The following TACR3 variants were observed in gnomAD, a reference collection of about 807,000 sequenced individuals.
TACR3 encodes the protein tachykinin receptor 3.
In TACR3, 34 loss-of-function variants were observed where a neutral mutation model predicts 35.0. The observed-to-expected ratio is 0.97, with a 90% confidence interval of 0.74 to 1.30. The LOEUF is 1.30. Ranked by LOEUF, TACR3 falls within the 50% of genes most tolerant of loss-of-function variation. TACR3 has a pLI of 0.00. For synonymous variants in TACR3, 233 were observed against 221.1 expected (o/e 1.05, Z -0.48); for missense variants, 558 against 591.7 (o/e 0.94, Z 0.59).
chr4:103,697,394 A>ATTTGTTTG (rs1468628685), intron 1 of TACR3, among the ~76,000 whole-genome samples: 1 of 139,594 alleles, frequency 7.2e-6, no homozygotes, highest in Admixed American at 7.2e-5. Flanking sequence ...TTATTTATTT[A>ATTTGTTTG]TTTATTTGTT....
chr4:103,694,141 T>C (rs1250558478), intron 1 of TACR3, among the ~76,000 whole-genome samples: 3 of 152,138 alleles, frequency 2.0e-5, no homozygotes, highest in Admixed American at 1.3e-4. Context: ...TTTCCCTCCT[T>C]AGTCTTAAAA....
At chr4:103,717,480 A>G (rs1236984613) in intron 1 of TACR3, among the ~76,000 whole-genome samples, 1 of 152,152 alleles carries the variant, frequency 6.6e-6, no homozygotes. Flanking sequence ...CTCCAAGACA[A>G]TCCCATAAAT....
rs374281894 is a variant in TACR3 at position 103,630,448 on chromosome 4, C to T, written c.888+25746G>A. Among the ~76,000 whole-genome samples the T allele has an allele frequency of 7.2e-5, 11 of 152,192 alleles. 1 individual carries two copies. The South Asian group carries it at 1.5e-3, about 20-fold the overall frequency. On this transcript the variant is annotated intron_variant, in intron 3 of 4. Coordinates refer to ENST00000304883, the MANE Select transcript of TACR3 (RefSeq NM_001059.3). ...CTTTGCAATCTACCTATCTAACAAA[C>T]GGCTAATATCCAGAATCTACAAAGA... is the stretch of plus-strand genomic sequence containing the variant.
intron 1 of TACR3, among the ~76,000 whole-genome samples, chr4:103,663,705 C>G (rs1178775541): frequency 6.6e-6 from 1 of 152,092 alleles, no homozygotes; most frequent in African/African-American, 2.4e-5. Flanking sequence ...GGGAGAATTG[C>G]CAGGCTCTGA....
At chr4:103,605,882 G>C (rs959922705) in intron 3 of TACR3, among the ~76,000 whole-genome samples, 1 of 152,032 alleles carries the variant, frequency 6.6e-6, no homozygotes, top group Non-Finnish European at 1.5e-5. Context: ...TGGTGTTTTA[G>C]ACATGAAGTC....
chr4:103,595,455 G>A (rs1723984165), intron 3 of TACR3, among the ~76,000 whole-genome samples: 1 of 152,146 alleles, frequency 6.6e-6, no homozygotes, highest in African/African-American at 2.4e-5. Flanking sequence ...AACTACGTAG[G>A]CAGGATGGAA....
At chr4:103,629,688 T>C (rs1020472117) in intron 3 of TACR3, among the ~76,000 whole-genome samples, 1 of 151,808 alleles carries the variant, frequency 6.6e-6, no homozygotes, top group Non-Finnish European at 1.5e-5. Flanking sequence ...GTAGGAAGAA[T>C]TAATATCGTG....
intron 1 of TACR3, among the ~76,000 whole-genome samples, chr4:103,682,305 C>T (rs903735304): frequency 1.3e-5 from 2 of 152,012 alleles, no homozygotes; most frequent in African/African-American, 4.8e-5. Flanking sequence ...AAAGATACTA[C>T]CCAAGAGTGG....
chr4:103,713,877 G>T (rs541720594), intron 1 of TACR3, among the ~76,000 whole-genome samples: 1 of 152,104 alleles, frequency 6.6e-6, no homozygotes, highest in Non-Finnish European at 1.5e-5. Flanking sequence ...GTTGGAAGCC[G>T]AGAGGTGAGA....
intron 3 of TACR3, among the ~76,000 whole-genome samples, chr4:103,592,004 A>G (rs891495611): frequency 6.6e-6 from 1 of 152,154 alleles, no homozygotes; most frequent in Non-Finnish European, 1.5e-5. Flanking sequence ...AGAGATAGGA[A>G]CTAGGATGTG....
At chr4:103,650,704 T>TG (rs1459709688) in intron 3 of TACR3, among the ~76,000 whole-genome samples, 5 of 53,544 alleles carry the variant, frequency 9.3e-5, no homozygotes, top group African/African-American at 7.7e-4. Context: ...TATATTTATA[T>TG]ATATAAATAT....
chr4:103,711,089 A>G (rs764149427), intron 1 of TACR3, among the ~76,000 whole-genome samples: 1 of 152,128 alleles, frequency 6.6e-6, no homozygotes, highest in Non-Finnish European at 1.5e-5. Flanking sequence ...ACCATTCCTT[A>G]TGAAACTATT....
At position 103,719,144 on chromosome 4, in the gene TACR3, C is replaced by T. The variant is rs769013038; in HGVS notation, c.532G>A (p.Ala178Thr). Residue 178 changes from alanine (A) to threonine (T), a missense_variant, in exon 1 of 5, where the codon GCC (alanine) becomes ACC (threonine). Physicochemically the swap from Ala to Thr is moderately conservative, Grantham distance 58. Coordinates refer to ENST00000304883, the MANE Select transcript of TACR3 (RefSeq NM_001059.3). ...TCTCCTCACCTGTCCACCGCAATGG[C>T]CGTCATGGAGTAGATGCTGGCGAAC... ...AVFASIYSMTAIAVDRYMAII... is the reference protein window; with the variant it reads ...AVFASIYSMTTIAVDRYMAII... 6.2e-7 allele frequency: 1 copy of T among 1,614,176 alleles called. No individual in the cohort carries two copies. Among genetic ancestry groups the T allele is most frequent in the Admixed American group, 1.7e-5 (1 of 60,028 alleles).
intron 3 of TACR3, among the ~76,000 whole-genome samples, chr4:103,635,755 T>C (rs1330297306): frequency 2.0e-5 from 3 of 148,888 alleles, no homozygotes; most frequent in African/African-American, 7.7e-5. Context: ...TTGATGTCTA[T>C]AATTGGAAGA....
In TACR3 at chr4:103,719,488, G is replaced by A. The variant is rs746568671; in HGVS notation, c.188C>T (p.Ala63Val). 6.2e-7 allele frequency: 1 copy of A among 1,612,074 alleles called. No individual in the cohort carries two copies. The highest frequency in any genetic ancestry group is 1.3e-5 in the African/African-American group (1 of 74,912). The change falls in exon 1 of 5, where the codon GCT (alanine) becomes GTT (valine). Residue 63 changes from alanine to valine, a missense_variant. Ala to Val is a moderately conservative substitution (Grantham distance 64). Transcript: ENST00000304883. ...CCAGGGCTGGGAGGGCGCGGGGGAAGCCACAGGCAGTCCCAGCGCGGAAGG... is the reference window on the plus strand; with the variant it reads ...CCAGGGCTGGGAGGGCGCGGGGGAAACCACAGGCAGTCCCAGCGCGGAAGG... ...SSPSALGLPV[A>V]SPAPSQPWAN...
intron 4 of TACR3, among the ~76,000 whole-genome samples, chr4:103,590,357 G>T (rs1308843650): frequency 6.6e-6 from 1 of 152,032 alleles, no homozygotes; most frequent in Admixed American, 6.6e-5. Flanking sequence ...AATTAGGCTG[G>T]CCAGTTAAGG....
At chr4:103,610,255 C>A (rs1724483497) in intron 3 of TACR3, among the ~76,000 whole-genome samples, 1 of 152,014 alleles carries the variant, frequency 6.6e-6, no homozygotes, top group Non-Finnish European at 1.5e-5. Flanking sequence ...TATAAGAGTT[C>A]TTTTTCCTGT....
chr4:103,679,654 T>G lies in TACR3; in HGVS notation c.549-21251A>C, dbSNP rs373691604. 5.9e-5 allele frequency among the ~76,000 whole-genome samples: 9 copies of G among 152,044 alleles called. No individual in the cohort carries two copies. In the East Asian group the frequency reaches 9.7e-4, roughly 16 times the overall value. On this transcript the variant is annotated intron_variant, in intron 1 of 4. Coordinates refer to ENST00000304883, the MANE Select transcript of TACR3 (RefSeq NM_001059.3). ...TCCTTTTAATTGAGCTCTACTTGTT[T>G]TATGAGACACCCCCTTTAAAATAAC...
At chr4:103,678,883 A>T (rs947508919) in intron 1 of TACR3, among the ~76,000 whole-genome samples, 1 of 151,804 alleles carries the variant, frequency 6.6e-6, no homozygotes, top group Non-Finnish European at 1.5e-5. Context: ...TGAGGGCCAT[A>T]AGTCTTCTCA....
Sources: gnomAD v4.1 joint callset for allele counts (sites outside exome capture counted in the v4.1 genomes callset) on GRCh38, gnomAD v4.1.1 for gene constraint, MANE v1.5 for transcripts, NCBI Gene and HGNC (gene_info 2026-07-23, HGNC 2026-07-21) for gene names.